The following DLC1 variants were observed in gnomAD, a reference collection of about 807,000 sequenced individuals.
DLC1 encodes rho GTPase-activating protein 7.
DLC1 carries 54 observed loss-of-function variants against 140.3 expected under a neutral mutation model. The ratio of observed to expected loss-of-function variants is 0.38; its 90% CI spans 0.31 to 0.48. The LOEUF (loss-of-function observed/expected upper bound fraction) is 0.48. Among genes scored for constraint, DLC1 ranks in the 20% least tolerant of loss-of-function variants. The pLI is 0.96. For synonymous variants in DLC1, 986 were observed against 728.1 expected, an observed-to-expected ratio of 1.35 and a Z score of -5.70; for missense variants, 2,536 against 1,907.0, an observed-to-expected ratio of 1.33 and a Z score of -6.14.
intron 1 of DLC1, among the ~76,000 whole-genome samples, chr8:13,509,964 C>T (rs1802279208): frequency 6.6e-6 from 1 of 152,052 alleles, no homozygotes; most frequent in African/African-American, 2.4e-5. Context: ...GTCCATGGCA[C>T]ATTTCAAGCA....
chr8:13,120,184 A>C (rs960455253), intron 5 of DLC1, among the ~76,000 whole-genome samples: 25 of 150,792 alleles, frequency 1.7e-4, no homozygotes, highest in African/African-American at 6.1e-4. Flanking sequence ...CCCTACTAAA[A>C]ATACAAAAAT....
chr8:13,586,478 T>C (rs1805315782), intron 1 of DLC1, among the ~76,000 whole-genome samples: 1 of 152,140 alleles, frequency 6.6e-6, no homozygotes, highest in South Asian at 2.1e-4. Context: ...AAATGTGTTC[T>C]CATGGGGGAG....
intron 5 of DLC1, among the ~76,000 whole-genome samples, chr8:13,226,979 A>C (rs896012364): frequency 2.0e-5 from 3 of 152,150 alleles, no homozygotes; most frequent in Non-Finnish European, 2.9e-5. Context: ...CCCCATTTAA[A>C]AAACTTCTGC....
intron 1 of DLC1, among the ~76,000 whole-genome samples, chr8:13,537,899 C>A (rs1021086033): frequency 2.6e-5 from 4 of 151,972 alleles, no homozygotes; most frequent in African/African-American, 7.3e-5. Context: ...CGTGATCCGC[C>A]CACCTCGGCC....
chr8:13,090,289 T>A lies in DLC1; in HGVS notation c.4037A>T (p.Tyr1346Phe), dbSNP rs770756794. 2.5e-5 allele frequency: 40 copies of A among 1,613,994 alleles called. No individual in the cohort carries two copies. The highest frequency in any genetic ancestry group is 3.1e-5 in the Non-Finnish European group (37 of 1,180,018). Reference protein sequence around the residue: ...VKEKFKGWVSYSTSEQAELSY... With the variant: ...VKEKFKGWVSFSTSEQAELSY... Reference sequence around the variant, plus strand: ...CAGCTCAGCCTGCTCCGAAGTGGAGTAGCTGACCCAGCCTTTAAACTTCTC... The same window carrying A: ...CAGCTCAGCCTGCTCCGAAGTGGAGAAGCTGACCCAGCCTTTAAACTTCTC... The change falls in exon 15 of 18, where the codon TAC (tyrosine) becomes TTC (phenylalanine). Residue 1346 changes from tyrosine to phenylalanine, a missense_variant. Transcript: ENST00000276297.
intron 4 of DLC1, among the ~76,000 whole-genome samples, chr8:13,360,994 G>A (rs1274359659): frequency 2.0e-5 from 3 of 152,096 alleles, no homozygotes; most frequent in African/African-American, 7.2e-5. Context: ...ACTTGGGGAG[G>A]TTGAGGCGGG....
Position 13,240,245 on chromosome 8 carries a change from A to G in DLC1, c.1348+65024T>C, listed in dbSNP as rs540709844. Among the ~76,000 whole-genome samples the G allele has an allele frequency of 1.3e-4, 20 of 152,312 alleles. No homozygotes were observed. In the East Asian group the frequency reaches 3.7e-3, roughly 28 times the overall value. On this transcript the variant is annotated intron_variant, in intron 5 of 17. Coordinates refer to ENST00000276297, the MANE Select transcript of DLC1 (RefSeq NM_182643.3). The stretch of plus-strand genomic sequence containing the variant: ...GTGTCCTCCTCTAAACCACAGAAAA[A>G]GCTGTAGAAGCAAGAGATTTAGCCC...
chr8:13,305,886 G>C (rs929880945), intron 4 of DLC1, among the ~76,000 whole-genome samples: 3 of 152,146 alleles, frequency 2.0e-5, no homozygotes, highest in African/African-American at 7.2e-5. Flanking sequence ...AAAACACTTT[G>C]AATTGGGGTA....
At chr8:13,434,990 A>G (rs1839053655) in intron 2 of DLC1, among the ~76,000 whole-genome samples, 1 of 151,962 alleles carries the variant, frequency 6.6e-6, no homozygotes, top group African/African-American at 2.4e-5. Flanking sequence ...CTCAAGCCTT[A>G]TTATTTAAGA....
chr8:13,297,287 A>AAAAAAAAAAAAAAACAAAACAAAAC (rs1160453360), intron 5 of DLC1, among the ~76,000 whole-genome samples: 2 of 139,822 alleles, frequency 1.4e-5, no homozygotes, highest in African/African-American at 5.4e-5. Flanking sequence ...TACATTAAAA[A>AAAAAAAAAAAAAAACAAAACAAAAC]AAAAAAAAAC....
intron 5 of DLC1, among the ~76,000 whole-genome samples, chr8:13,274,979 G>C (rs1831101666): frequency 6.6e-6 from 1 of 152,146 alleles, no homozygotes; most frequent in South Asian, 2.1e-4. Flanking sequence ...ACACCTTAAA[G>C]AGTTAAATAA....
intron 2 of DLC1, among the ~76,000 whole-genome samples, chr8:13,474,154 C>T (rs116512325): frequency 0.038 from 5,821 of 152,220 alleles, 345 homozygotes; most frequent in African/African-American, 0.13. Flanking sequence ...GGTCCTCATG[C>T]TGTGTGCAGT....
intron 5 of DLC1, among the ~76,000 whole-genome samples, chr8:13,165,832 G>A (rs1450774123): frequency 2.0e-5 from 3 of 152,162 alleles, no homozygotes; most frequent in African/African-American, 2.4e-5. Context: ...CCTTGGGTCA[G>A]TTTCCTCAAG....
intron 7 of DLC1, among the ~76,000 whole-genome samples, chr8:13,106,328 A>C (rs1819561446): frequency 6.6e-6 from 1 of 152,220 alleles, no homozygotes. Context: ...AATCTGTGCA[A>C]TTGCTTTAAA....
At chr8:13,513,456 G>A (rs1774311382) in intron 1 of DLC1, among the ~76,000 whole-genome samples, 1 of 151,986 alleles carries the variant, frequency 6.6e-6, no homozygotes, top group Non-Finnish European at 1.5e-5. Context: ...TGGTCACCTT[G>A]TACTATATAA....
At chr8:13,101,318 A>G (rs763205628) in intron 8 of DLC1, among the ~76,000 whole-genome samples, 1 of 152,236 alleles carries the variant, frequency 6.6e-6, no homozygotes, top group Non-Finnish European at 1.5e-5. Flanking sequence ...AAACTCTGGG[A>G]TCCATAGGCT....
intron 6 of DLC1, among the ~76,000 whole-genome samples, chr8:13,113,762 A>G (rs1430518993): frequency 6.6e-6 from 1 of 152,242 alleles, no homozygotes; most frequent in African/African-American, 2.4e-5. Flanking sequence ...TAAAGGAAAG[A>G]CAAGTAACTC....
Position 13,171,489 on chromosome 8 carries a change from C to G in DLC1, c.1349-55832G>C, listed in dbSNP as rs1482505838. Among the ~76,000 whole-genome samples, 5 of 152,164 alleles carry G rather than the reference C, an allele frequency of 3.3e-5. No individual in the cohort carries two copies. The East Asian group carries it at 9.6e-4, about 29-fold the overall frequency. Reference sequence around the variant, plus strand: ...CACTGCAGCTTCAAACTCCTGGGCTCAAGCAATCCTCCTGTCTCAGCCTCA... The same window carrying G: ...CACTGCAGCTTCAAACTCCTGGGCTGAAGCAATCCTCCTGTCTCAGCCTCA... On this transcript the variant is annotated intron_variant, in intron 5 of 17. Coordinates refer to ENST00000276297, the MANE Select transcript of DLC1 (RefSeq NM_182643.3).
intron 5 of DLC1, among the ~76,000 whole-genome samples, chr8:13,228,704 G>C (rs1490806556): frequency 6.6e-6 from 1 of 152,200 alleles, no homozygotes; most frequent in Non-Finnish European, 1.5e-5. Context: ...TGGTCGTGCT[G>C]CTCCACTCCA....
Sources: allele counts gnomAD v4.1 joint callset (sites outside exome capture counted in the v4.1 genomes callset), GRCh38; gene constraint gnomAD v4.1.1; transcripts MANE v1.5; gene names NCBI Gene and HGNC (gene_info 2026-07-23, HGNC 2026-07-21).